The following XPR1 variants were observed in gnomAD, a reference collection of about 807,000 sequenced individuals.
XPR1 encodes xenotropic and polytropic retrovirus receptor 1.
In XPR1, 28 loss-of-function variants were observed where a neutral mutation model predicts 87.5. The observed-to-expected ratio is 0.32, with a 90% confidence interval of 0.24 to 0.44. The LOEUF (loss-of-function observed/expected upper bound fraction) is 0.44, where lower values mean the gene tolerates loss of function less well. Ranked by LOEUF, XPR1 falls within the 20% of genes least tolerant of loss-of-function variation. The pLI, the probability that XPR1 is intolerant of heterozygous loss-of-function variation, is 1.00. For missense variants in XPR1, 559 were observed against 862.3 expected (o/e 0.65, Z 4.41); for synonymous variants, 300 against 306.1 (o/e 0.98, Z 0.21).
At chr1:180,803,116 A>G (rs1048247407) in intron 3 of XPR1, among the ~76,000 whole-genome samples, 5 of 152,222 alleles carry the variant, frequency 3.3e-5, no homozygotes, top group Admixed American at 2.0e-4. Context: ...CAAATACCAG[A>G]GAGGCTGTAC....
intron 11 of XPR1, among the ~76,000 whole-genome samples, chr1:180,861,993 A>G (rs1652237970): frequency 6.6e-6 from 1 of 152,128 alleles, no homozygotes; most frequent in Non-Finnish European, 1.5e-5. Flanking sequence ...ATAAAATTAA[A>G]AAGTAATGAA....
chr1:180,717,613 A>G (rs1658043684), intron 2 of XPR1, among the ~76,000 whole-genome samples: 1 of 152,198 alleles, frequency 6.6e-6, no homozygotes, highest in Non-Finnish European at 1.5e-5. Flanking sequence ...GGATTGGGAA[A>G]TATTATTTTC....
chr1:180,865,545 C>T (rs1038411863), intron 12 of XPR1, among the ~76,000 whole-genome samples: 5 of 152,014 alleles, frequency 3.3e-5, no homozygotes, highest in Admixed American at 2.6e-4. Context: ...GGACTACAGG[C>T]GCCCGCCACC....
intron 2 of XPR1, among the ~76,000 whole-genome samples, chr1:180,777,976 G>GT (rs1648787151): frequency 6.6e-6 from 1 of 151,986 alleles, no homozygotes; most frequent in South Asian, 2.1e-4. Context: ...AGGAGATCTT[G>GT]TTTTTTTATT....
At chr1:180,715,429 T>C (rs1657955079) in intron 2 of XPR1, among the ~76,000 whole-genome samples, 1 of 152,172 alleles carries the variant, frequency 6.6e-6, no homozygotes, top group South Asian at 2.1e-4. Flanking sequence ...GCCTTATTTT[T>C]TATCATAGGA....
Position 180,858,806 on chromosome 1 carries a change from A to T in XPR1, c.1502-4902A>T, listed in dbSNP as rs544169517. 3.3e-5 allele frequency among the ~76,000 whole-genome samples: 5 copies of T among 152,322 alleles called. No individual in the cohort carries two copies. The East Asian group carries it at 9.6e-4, about 29-fold the overall frequency. On this transcript the variant is annotated intron_variant, in intron 11 of 14. Transcript: ENST00000367590. The stretch of plus-strand genomic sequence containing the variant: ...TGTCTGCCCTAAGGATAAAGATGAT[A>T]ATCACCTGAGGGATTAATATATGTG...
chr1:180,819,741 G>T (rs1233472915), intron 7 of XPR1, among the ~76,000 whole-genome samples: 2 of 152,134 alleles, frequency 1.3e-5, no homozygotes, highest in Non-Finnish European at 2.9e-5. Context: ...GCCTAGGCCG[G>T]GCGCGGTGGC....
At chr1:180,652,352 T>A (rs1447669569) in intron 1 of XPR1, among the ~76,000 whole-genome samples, 1 of 152,168 alleles carries the variant, frequency 6.6e-6, no homozygotes, top group Non-Finnish European at 1.5e-5. Context: ...TTACAGCTAT[T>A]ACCACAATCA....
intron 2 of XPR1, among the ~76,000 whole-genome samples, chr1:180,783,403 A>T (rs1351075939): frequency 6.6e-6 from 1 of 151,978 alleles, no homozygotes; most frequent in African/African-American, 2.4e-5. Flanking sequence ...TTTATCCTTT[A>T]TGAATACCTT....
intron 1 of XPR1, among the ~76,000 whole-genome samples, chr1:180,660,224 A>G (rs1472586579): frequency 1.3e-5 from 2 of 151,464 alleles, no homozygotes; most frequent in Admixed American, 1.3e-4. Flanking sequence ...CTCCTTTTTT[A>G]TCTCTGATTT....
chr1:180,816,138 A>C (rs11808588), intron 7 of XPR1, among the ~76,000 whole-genome samples: 6,243 of 152,250 alleles, frequency 0.041, 164 homozygotes, highest in African/African-American at 0.072. Flanking sequence ...ACTTTTTGGC[A>C]ACAGGAATCA....
Position 180,886,847 on chromosome 1 carries a change from TC to T in XPR1, c.*2784del, listed in dbSNP as rs1653027380. On this transcript the variant is annotated 3_prime_UTR_variant, in exon 15 of 15. Coordinates refer to ENST00000367590, the MANE Select transcript of XPR1 (RefSeq NM_004736.4). ...TCCACCTTACAATTTGATTGGAGGC[TC>T]CCATACACTGAAACTCTCAATAGAA... The T allele has an allele frequency of 6.6e-6, 1 of 152,162 alleles. No homozygotes were observed. The highest frequency in any genetic ancestry group is 2.4e-5 in the African/African-American group (1 of 41,432). The allele number at this position is 152,162 out of a possible 1,614,324, so 9.4% of individuals were successfully genotyped here.
chr1:180,749,668 C>A (rs990048745), intron 2 of XPR1, among the ~76,000 whole-genome samples: 1 of 151,752 alleles, frequency 6.6e-6, no homozygotes, highest in African/African-American at 2.4e-5. Context: ...CACACACACA[C>A]ACACACACAC....
chr1:180,725,877 A>T (rs1347063321), intron 2 of XPR1, among the ~76,000 whole-genome samples: 1 of 152,198 alleles, frequency 6.6e-6, no homozygotes, highest in Non-Finnish European at 1.5e-5. Context: ...GTACTCTTTG[A>T]ACCTTAGTGC....
At chr1:180,864,010 C>T (rs1330725444) in intron 12 of XPR1, 136 bp downstream of exon 12, 14 of 674,480 alleles carry the variant, frequency 2.1e-5, no homozygotes, top group Admixed American at 4.1e-5. Context: ...AATACTAATT[C>T]ATTCGGTCAG....
rs71297873 is a variant in XPR1 at position 180,748,400 on chromosome 1, C to CTTTTTTTTTTTTTTTT, written c.122-39333_122-39318dup. 4.4e-4 allele frequency among the ~76,000 whole-genome samples: 13 copies of CTTTTTTTTTTTTTTTT among 29,678 alleles called. 3 individuals are homozygous for CTTTTTTTTTTTTTTTT. Among genetic ancestry groups the CTTTTTTTTTTTTTTTT allele is most frequent in the Non-Finnish European group, 5.7e-4 (8 of 14,018 alleles). The allele number at this position is 29,678 out of a possible 152,430, so 19.5% of individuals were successfully genotyped here. On this transcript the variant is annotated intron_variant, in intron 2 of 14. Transcript: ENST00000367590. ...TGCTACTCTGTGTTATTATTTATGT[C>CTTTTTTTTTTTTTTTT]TTTTTTTTTTTTTTTTTTTTTTTTT...
At chr1:180,845,890 ATGT>A (rs1651664698) in intron 11 of XPR1, among the ~76,000 whole-genome samples, 1 of 152,184 alleles carries the variant, frequency 6.6e-6, no homozygotes, top group South Asian at 2.1e-4. Flanking sequence ...TAACATATTA[ATGT>A]TGTTTCAAGT....
rs1174067628 is a variant in XPR1 at position 180,885,323 on chromosome 1, T to TA, written c.*1260dup. 1.3e-5 allele frequency: 2 copies of TA among 152,692 alleles called. No individual in the cohort carries two copies. Among genetic ancestry groups the TA allele is most frequent in the Non-Finnish European group, 2.9e-5 (2 of 68,048 alleles). 9.5% of individuals were successfully genotyped at this position (152,692 alleles called of 1,614,324 possible). ...TGGCAGCCATTTCTCCCAGCAGTTTTAAAGGATGAACATTGGATTTCATGC... is the reference window on the plus strand; with the variant it reads ...TGGCAGCCATTTCTCCCAGCAGTTTTAAAAGGATGAACATTGGATTTCATGC... On this transcript the variant is annotated 3_prime_UTR_variant, in exon 15 of 15. Coordinates refer to ENST00000367590, the MANE Select transcript of XPR1 (RefSeq NM_004736.4).
intron 2 of XPR1, among the ~76,000 whole-genome samples, chr1:180,764,651 G>A (rs916091351): frequency 6.6e-6 from 1 of 151,610 alleles, no homozygotes; most frequent in Non-Finnish European, 1.5e-5. Flanking sequence ...TGTATTTTTT[G>A]TAGAGGTGGG....
Sources: allele counts gnomAD v4.1 joint callset (sites outside exome capture counted in the v4.1 genomes callset), GRCh38; gene constraint gnomAD v4.1.1; transcripts MANE v1.5; gene names NCBI Gene and HGNC (gene_info 2026-07-23, HGNC 2026-07-21).